Variants in CFAP91 observed in about 807,000 individuals in gnomAD.
The protein encoded by CFAP91 is cilia- and flagella-associated protein 91.
A neutral mutation model predicts 95.9 loss-of-function variants in CFAP91; 85 were observed. That is an observed-to-expected ratio of 0.89 (90% confidence interval 0.74 to 1.06). The LOEUF is 1.06. Among genes scored for constraint, CFAP91 ranks in the 50% least tolerant of loss-of-function variants. The pLI is 0.00. For missense variants in CFAP91, 962 were observed against 943.4 expected (o/e 1.02, Z -0.26); for synonymous variants, 335 against 327.5 (o/e 1.02, Z -0.25).
rs774827591 is a variant in CFAP91 at position 119,739,233 on chromosome 3, G to T, written c.1462-22G>T. 9 of 1,606,272 alleles carry T rather than the reference G, an allele frequency of 5.6e-6. No homozygotes were observed. The East Asian group carries it at 8.9e-5, about 16-fold the overall frequency. On this transcript the variant is annotated intron_variant, in intron 11 of 17. Coordinates refer to ENST00000273390, the MANE Select transcript of CFAP91 (RefSeq NM_033364.4). Reference sequence around the variant, plus strand: ...GACTACTGCAGTTCTCAAGCTGCTTGGTTCTCCCTTTGTTCTTTTAGGAAG... The same window carrying T: ...GACTACTGCAGTTCTCAAGCTGCTTTGTTCTCCCTTTGTTCTTTTAGGAAG...
intron 14 of CFAP91, among the ~76,000 whole-genome samples, chr3:119,745,304 A>C (rs895742415): frequency 9.2e-5 from 14 of 152,202 alleles, no homozygotes; most frequent in African/African-American, 2.7e-4. Flanking sequence ...TAAACCAGAA[A>C]TGTAATATTT....
chr3:119,716,691 A>G (rs910411366), intron 6 of CFAP91, among the ~76,000 whole-genome samples: 2 of 152,132 alleles, frequency 1.3e-5, no homozygotes, highest in African/African-American at 4.8e-5. Flanking sequence ...GGTTCAAGTG[A>G]TTCTCCTGCC....
chr3:119,734,820 C>A (rs996152776), intron 10 of CFAP91, among the ~76,000 whole-genome samples: 1 of 151,898 alleles, frequency 6.6e-6, no homozygotes, highest in African/African-American at 2.4e-5. Context: ...CTTCCTTTTT[C>A]TTTTTTTGAG....
At chr3:119,715,443 T>C in intron 5 of CFAP91, 119 bp from the exon 6 acceptor site, 1 of 860,230 alleles carries the variant, frequency 1.2e-6, no homozygotes, top group Non-Finnish European at 1.9e-6. Context: ...TTTGTACCTG[T>C]CAACATTTAA....
At chr3:119,722,248 G>T (rs1181691209) in intron 6 of CFAP91, among the ~76,000 whole-genome samples, 1 of 151,752 alleles carries the variant, frequency 6.6e-6, no homozygotes, top group Non-Finnish European at 1.5e-5. Context: ...GCTGAGGTCA[G>T]GAGTTCAAGA....
In CFAP91 at chr3:119,765,767, A is replaced by G. The variant is rs1295650272; in HGVS notation, c.*717A>G. Reference sequence around the variant, plus strand: ...ATTCTTCCTGATTCAAAGACTGTCAAATAGGAAAAAAGAAAACAGTAAATG... The same window carrying G: ...ATTCTTCCTGATTCAAAGACTGTCAGATAGGAAAAAAGAAAACAGTAAATG... On this transcript the variant is annotated 3_prime_UTR_variant, in exon 18 of 18. Coordinates refer to ENST00000273390, the MANE Select transcript of CFAP91 (RefSeq NM_033364.4). The G allele has an allele frequency of 6.6e-6, 1 of 152,216 alleles. No individual in the cohort carries two copies. The highest frequency in any genetic ancestry group is 1.5e-5 in the Non-Finnish European group (1 of 68,032). 9.4% of individuals were successfully genotyped at this position (152,216 alleles called of 1,614,324 possible). A position where few individuals can be genotyped will look rare whatever the true frequency, so the allele number is the denominator to read the frequency against.
rs1033410308 is a variant in CFAP91 at position 119,750,750 on chromosome 3, C to T, written c.2144-187C>T. On this transcript the variant is annotated intron_variant, in intron 16 of 17. Coordinates refer to ENST00000273390, the MANE Select transcript of CFAP91 (RefSeq NM_033364.4). ...TGCTGAGGAGTGGAATGGAGGCAAG[C>T]CTGGTGGAAAGGAGTATGACTGGGC... 2.1e-5 allele frequency: 13 copies of T among 608,846 alleles called. No individual in the cohort carries two copies. The East Asian group carries it at 3.2e-4, about 15-fold the overall frequency. The allele number at this position is 608,846 out of a possible 1,614,324, so 37.7% of individuals were successfully genotyped here.
chr3:119,719,240 C>A (rs1577207878), intron 6 of CFAP91, among the ~76,000 whole-genome samples: 3 of 152,264 alleles, frequency 2.0e-5, no homozygotes, highest in East Asian at 3.9e-4. Context: ...TAAAACCAGT[C>A]AAAACTAAAT....
chr3:119,717,897 CG>C (rs1478544640), intron 6 of CFAP91, among the ~76,000 whole-genome samples: 1 of 152,198 alleles, frequency 6.6e-6, no homozygotes, highest in African/African-American at 2.4e-5. Context: ...GAAGCAGGCT[CG>C]GGGCCATTTG....
chr3:119,729,419 G>C (rs2053850967), intron 7 of CFAP91, among the ~76,000 whole-genome samples: 1 of 152,012 alleles, frequency 6.6e-6, no homozygotes, highest in South Asian at 2.1e-4. Flanking sequence ...AGCCAAGGTG[G>C]GATCACTTGA....
intron 5 of CFAP91, among the ~76,000 whole-genome samples, chr3:119,713,831 C>CT (rs1189824229): frequency 6.6e-6 from 1 of 151,708 alleles, no homozygotes; most frequent in Non-Finnish European, 1.5e-5. Context: ...TTTTTTTCTT[C>CT]TTTACAATGA....
In CFAP91 at chr3:119,733,413, A is replaced by G. The variant is rs1038753728; in HGVS notation, c.1251A>G (p.Gln417=). ...TCCCAGATTTTGTGACACAACCCCA[A>G]ATCAGAGCTCCAAAACCTAAAGTCA... is the stretch of plus-strand genomic sequence containing the variant. ...SCLPDFVTQP[Q]IRAPKPKVIT... is the part of the protein sequence containing the mutation. The change falls in exon 10 of 18, where the codon CAA becomes CAG. Residue 417 remains glutamine (Q), a synonymous_variant. Transcript: ENST00000273390. 4.3e-6 allele frequency: 7 copies of G among 1,614,140 alleles called. No individual in the cohort carries two copies. Among genetic ancestry groups the G allele is most frequent in the Non-Finnish European group, 5.9e-6 (7 of 1,179,986 alleles).
intron 17 of CFAP91, among the ~76,000 whole-genome samples, chr3:119,760,227 G>A (rs1005292325): frequency 6.6e-6 from 1 of 151,790 alleles, no homozygotes; most frequent in Non-Finnish European, 1.5e-5. Context: ...AATAGAACAA[G>A]TGTAGCTAAA....
chr3:119,740,770 T>A, intron 13 of CFAP91, 75 bp downstream of exon 13: 1 of 1,479,672 alleles, frequency 6.8e-7, no homozygotes, highest in South Asian at 1.2e-5. Flanking sequence ...ACAGCACCAT[T>A]ATAATAAAAA....
chr3:119,749,817 C>T (rs949012928), intron 16 of CFAP91, among the ~76,000 whole-genome samples: 1 of 152,082 alleles, frequency 6.6e-6, no homozygotes, highest in South Asian at 2.1e-4. Context: ...AGGTATATCA[C>T]TTTTTGAAAA....
intron 5 of CFAP91, among the ~76,000 whole-genome samples, chr3:119,710,899 T>C (rs1172447833): frequency 6.6e-6 from 1 of 152,220 alleles, no homozygotes; most frequent in Non-Finnish European, 1.5e-5. Context: ...GACAGCAGAC[T>C]GGTAGAGTAT....
rs767860591 is a variant in CFAP91, at chr3:119,707,466, A to T, written c.264A>T (p.Leu88=). 1 of 1,598,142 alleles carries T rather than the reference A, an allele frequency of 6.3e-7. No homozygotes were observed. The highest frequency in any genetic ancestry group is 1.1e-5 in the South Asian group (1 of 89,000). Residue 88 remains leucine, a synonymous_variant, in exon 3 of 18, where the codon CTA becomes CTT. Transcript: ENST00000273390. ...TGATCCATTATCCAAGATATTCTCT[A>T]TATTGGAGCAAGTCAGATCCTGTCC... The part of the protein sequence containing the change: ...SNLIHYPRYS[L]YWSKSDPVPP...
chr3:119,758,950 A>G (rs560875391), intron 17 of CFAP91, among the ~76,000 whole-genome samples: 19 of 152,232 alleles, frequency 1.2e-4, no homozygotes, highest in African/African-American at 4.3e-4. Flanking sequence ...TATATTACAG[A>G]AAACTATAGT....
At chr3:119,706,515 A>C in intron 1 of CFAP91, 1 of 285,752 alleles carries the variant, frequency 3.5e-6, no homozygotes, top group South Asian at 7.3e-5. Context: ...GGAGAGAAGA[A>C]AGTGTGTTCA....
Sources: gnomAD v4.1 joint callset for allele counts (sites outside exome capture counted in the v4.1 genomes callset) on GRCh38, gnomAD v4.1.1 for gene constraint, MANE v1.5 for transcripts, NCBI Gene and HGNC (gene_info 2026-07-23, HGNC 2026-07-21) for gene names.